FAM228B: variants seen among roughly 807,000 people sequenced by gnomAD.
The protein encoded by FAM228B is family with sequence similarity 228 member B.
FAM228B carries 38 observed loss-of-function variants against 42.6 expected under a neutral mutation model. That is an observed-to-expected ratio of 0.89 (90% confidence interval 0.69 to 1.17). FAM228B has a LOEUF of 1.17. FAM228B is among the 50% of genes most tolerant of loss of function. The pLI, the probability that FAM228B is intolerant of heterozygous loss-of-function variation, is 0.00. For synonymous variants in FAM228B, 109 were observed against 122.3 expected (o/e 0.89, Z 0.72); for missense variants, 344 against 367.3 (o/e 0.94, Z 0.52).
At position 24,109,371 on chromosome 2, in the gene FAM228B, T is replaced by C. The variant is rs143747791; in HGVS notation, c.-121+14142T>C. 3.5e-3 allele frequency among the ~76,000 whole-genome samples: 536 copies of C among 152,246 alleles called. 4 individuals are homozygous for C. Among genetic ancestry groups the C allele is most frequent in the Non-Finnish European group, 6.5e-3 (442 of 68,004 alleles). ...GAAGATAACCTAGGACATGCCATTCTGGACATAGGACTTGGTGAAGATTTC... is the reference window on the plus strand; with the variant it reads ...GAAGATAACCTAGGACATGCCATTCCGGACATAGGACTTGGTGAAGATTTC... On this transcript the variant is annotated intron_variant, in intron 3 of 10. Transcript: ENST00000613899.
At chr2:24,167,157 G>A (rs989223403) in intron 9 of FAM228B, among the ~76,000 whole-genome samples, 3 of 152,226 alleles carry the variant, frequency 2.0e-5, no homozygotes, top group Non-Finnish European at 2.9e-5. Context: ...CCGAGGCAGG[G>A]CCGTCAAGGC....
intron 7 of FAM228B, among the ~76,000 whole-genome samples, chr2:24,155,504 C>CTCATATATAT (rs1216710906): frequency 2.8e-5 from 1 of 35,896 alleles, no homozygotes; most frequent in Non-Finnish European, 5.4e-5. Context: ...GAAGACCATG[C>CTCATATATAT]ATATATATAT....
Position 24,077,477 on chromosome 2 carries a change from T to A in FAM228B, c.-290+508T>A. 1 of 1,365,288 alleles carries A rather than the reference T, an allele frequency of 7.3e-7. No individual in the cohort carries two copies. The highest frequency in any genetic ancestry group is 9.8e-7 in the Non-Finnish European group (1 of 1,020,522). 84.6% of individuals were successfully genotyped at this position (1,365,288 alleles called of 1,614,324 possible). Reference sequence around the variant, plus strand: ...TCCTCATATCAGCTTTAAACGGCTCTGGAGGAAGCACCGGGTTTCTTGGCC... The same window carrying A: ...TCCTCATATCAGCTTTAAACGGCTCAGGAGGAAGCACCGGGTTTCTTGGCC... On this transcript the variant is annotated intron_variant, in intron 1 of 10. Coordinates refer to the FAM228B transcript ENST00000613899. The surrounding 1 kb of genome is among the most constrained non-coding windows in gnomAD (Gnocchi z 5.5).
chr2:24,155,406 C>T (rs1438521357), intron 7 of FAM228B, among the ~76,000 whole-genome samples: 5 of 149,336 alleles, frequency 3.3e-5, no homozygotes, highest in Admixed American at 6.7e-5. Flanking sequence ...TGGGGGCTGG[C>T]GTGTTTGCGG....
chr2:24,111,858 T>G (rs1286488639), intron 3 of FAM228B, among the ~76,000 whole-genome samples: 1 of 148,814 alleles, frequency 6.7e-6, no homozygotes, highest in Non-Finnish European at 1.5e-5. Context: ...AACTCCCATC[T>G]GCCAAAAAAA....
rs115094091 is a variant in FAM228B, at chr2:24,126,917, C to T, written c.99+2457C>T. 7.2e-3 allele frequency among the ~76,000 whole-genome samples: 1,099 copies of T among 152,334 alleles called. 9 individuals carry two copies. Among genetic ancestry groups the T allele is most frequent in the African/African-American group, 0.025 (1,059 of 41,572 alleles). ...GGGATTACAGGCGTGAGCCACCGGG[C>T]GCCCGGCCAAGATTCACTACTCTAA... On this transcript the variant is annotated intron_variant, in intron 2 of 10. Transcript: ENST00000615575.
intron 3 of FAM228B, among the ~76,000 whole-genome samples, chr2:24,102,394 T>C (rs145469725): frequency 9.1e-4 from 138 of 152,350 alleles, no homozygotes; most frequent in African/African-American, 3.2e-3. Flanking sequence ...TTTTAATACA[T>C]TTTTGCTAAA....
chr2:24,084,356 C>T lies in FAM228B; in HGVS notation c.-210+3401C>T, dbSNP rs1161700335. The T allele has an allele frequency of 7.3e-7, 1 of 1,371,470 alleles. No homozygotes were observed. The highest frequency in any genetic ancestry group is 9.9e-7 in the Non-Finnish European group (1 of 1,008,658). The allele number at this position is 1,371,470 out of a possible 1,614,324, so 85.0% of individuals were successfully genotyped here. A position where few individuals can be genotyped will look rare whatever the true frequency, so the allele number is the denominator to read the frequency against. On this transcript the variant is annotated intron_variant, in intron 2 of 10. Coordinates refer to the FAM228B transcript ENST00000613899. The surrounding 1 kb of genome is among the most constrained non-coding windows in gnomAD (Gnocchi z 8.4). ...TCTGAGGACACAGGGCAGGGCAGGG[C>T]AGGACAGGACAGGGCAGGGCAGGGC...
chr2:24,095,162 C>T lies in FAM228B; in HGVS notation c.-188C>T, dbSNP rs1407083785. 1 of 152,390 alleles carries T rather than the reference C, an allele frequency of 6.6e-6. No individual in the cohort carries two copies. The allele number at this position is 152,390 out of a possible 1,614,324, so 9.4% of individuals were successfully genotyped here. A position where few individuals can be genotyped will look rare whatever the true frequency, so the allele number is the denominator to read the frequency against. On this transcript the variant is annotated 5_prime_UTR_variant, in exon 3 of 11. Transcript: ENST00000613899. This position sits in a 1 kb window ranked among gnomAD's most constrained non-coding sequence, Gnocchi z 4.8. ...ACAGTTAAAAGTTTAACAACCGGAA[C>T]AGCTCCAGTCTGCAGCTCCCAGCGT... is the stretch of plus-strand genomic sequence containing the variant.
chr2:24,138,347 T>C (rs1017644128), intron 4 of FAM228B, among the ~76,000 whole-genome samples: 1 of 152,172 alleles, frequency 6.6e-6, no homozygotes. Flanking sequence ...ATTATTATTA[T>C]TATTCGAGAT....
At chr2:24,162,776 A>G (rs1215268572) in intron 8 of FAM228B, among the ~76,000 whole-genome samples, 2 of 152,262 alleles carry the variant, frequency 1.3e-5, no homozygotes, top group Non-Finnish European at 2.9e-5. Flanking sequence ...ATGCTGCAAC[A>G]TAGACAAACT....
chr2:24,127,938 C>T (rs1435590270), intron 2 of FAM228B, among the ~76,000 whole-genome samples: 3 of 152,078 alleles, frequency 2.0e-5, no homozygotes, highest in South Asian at 2.1e-4. Context: ...GATGGAATTA[C>T]GGGCATGAGT....
Position 24,077,653 on chromosome 2 carries a change from C to A in FAM228B, c.-290+684C>A. 1 of 1,613,288 alleles carries A rather than the reference C, an allele frequency of 6.2e-7. No individual in the cohort carries two copies. Among genetic ancestry groups the A allele is most frequent in the Non-Finnish European group, 8.5e-7 (1 of 1,179,550 alleles). The stretch of plus-strand genomic sequence containing the variant: ...ATGTACTTATGGGCCTCCTGGATTT[C>A]GGTCACTGGGTAGATTCTGTCCAGA... On this transcript the variant is annotated intron_variant, in intron 1 of 10. Transcript: ENST00000613899. The surrounding 1 kb of genome is among the most constrained non-coding windows in gnomAD (Gnocchi z 5.5).
intron 2 of FAM228B, among the ~76,000 whole-genome samples, chr2:24,094,803 A>T (rs1019190743): frequency 1.3e-5 from 2 of 152,122 alleles, no homozygotes; most frequent in African/African-American, 4.8e-5. Flanking sequence ...TTTTAAATAT[A>T]TCAATTGGGC....
At chr2:24,131,860 T>C (rs1666462014) in intron 2 of FAM228B, among the ~76,000 whole-genome samples, 1 of 152,192 alleles carries the variant, frequency 6.6e-6, no homozygotes, top group East Asian at 1.9e-4. Flanking sequence ...GAACTTCCAG[T>C]AATATGTTGA....
At chr2:24,143,981 C>G (rs1184610726) in intron 5 of FAM228B, among the ~76,000 whole-genome samples, 4 of 137,602 alleles carry the variant, frequency 2.9e-5, no homozygotes, top group Admixed American at 8.0e-5. Flanking sequence ...CCACTGCACT[C>G]TAGGCAGCAG....
intron 2 of FAM228B, among the ~76,000 whole-genome samples, chr2:24,094,912 G>A (rs1665464858): frequency 1.3e-5 from 2 of 152,124 alleles, no homozygotes; most frequent in South Asian, 4.1e-4. Flanking sequence ...GGCCAACATG[G>A]TGAAACCCCA....
At chr2:24,081,014 C>T in intron 2 of FAM228B, 2 of 1,613,502 alleles carry the variant, frequency 1.2e-6, no homozygotes, top group Non-Finnish European at 1.7e-6. Flanking sequence ...AGCACATAGT[C>T]TCCAGCCTGA....
chr2:24,167,352 G>A (rs900723430), intron 9 of FAM228B, among the ~76,000 whole-genome samples: 21 of 152,172 alleles, frequency 1.4e-4, no homozygotes, highest in African/African-American at 4.8e-4. Context: ...CAGGTTTGCA[G>A]GGAGAGAAGT....
Sources: allele counts gnomAD v4.1 joint callset (sites outside exome capture counted in the v4.1 genomes callset), GRCh38; gene constraint gnomAD v4.1.1; non-coding constraint Gnocchi (gnomAD v3.1); transcripts MANE v1.5; gene names NCBI Gene and HGNC (gene_info 2026-07-23, HGNC 2026-07-21).